Variants in XNDC1N observed in about 807,000 individuals in gnomAD.
XNDC1N encodes the protein XRCC1 N-terminal domain containing 1, N-terminal like.
the XNDC1N span, among the ~76,000 whole-genome samples, chr11:71,905,622 A>G: frequency 6.6e-6 from 1 of 152,004 alleles, no homozygotes. Context: ...CTAGGATATA[A>G]GCTATCACAT....
chr11:71,882,589 G>C, the XNDC1N span, among the ~76,000 whole-genome samples: 3 of 152,178 alleles, frequency 2.0e-5, no homozygotes, highest in Non-Finnish European at 4.4e-5. Flanking sequence ...AATAGAGTTT[G>C]TCACCAGTAG....
At chr11:71,886,382 C>T in the XNDC1N span, among the ~76,000 whole-genome samples, 5 of 152,032 alleles carry the variant, frequency 3.3e-5, no homozygotes, top group African/African-American at 1.2e-4. Context: ...ATTATCAAAA[C>T]CCCCAAGAGT....
the XNDC1N span, among the ~76,000 whole-genome samples, chr11:71,898,877 C>T: frequency 0.026 from 3,882 of 151,942 alleles, 159 homozygotes; most frequent in African/African-American, 0.089. Context: ...TTTATACTGG[C>T]CATTCTATAT....
At chr11:71,920,015 T>C in the XNDC1N span, among the ~76,000 whole-genome samples, 5 of 124,816 alleles carry the variant, frequency 4.0e-5, no homozygotes, top group African/African-American at 1.5e-4. Context: ...TGGAGTGCAG[T>C]GGTGCAATCT....
At chr11:71,893,883 T>G in the XNDC1N span, 1 of 951,466 alleles carries the variant, frequency 1.1e-6, no homozygotes, top group East Asian at 6.0e-5. Flanking sequence ...TCGTGAATCC[T>G]CACCTCTGTG....
the XNDC1N span, among the ~76,000 whole-genome samples, chr11:71,866,889 C>T: frequency 6.6e-6 from 1 of 151,856 alleles, no homozygotes; most frequent in Non-Finnish European, 1.5e-5. Flanking sequence ...TTGATATGAT[C>T]GAGACAATAG....
chr11:71,910,510 G>A, the XNDC1N span, among the ~76,000 whole-genome samples: 1 of 152,176 alleles, frequency 6.6e-6, no homozygotes, highest in African/African-American at 2.4e-5. Context: ...TTTCCCAGGA[G>A]AGACCTAGGC....
the XNDC1N span, among the ~76,000 whole-genome samples, chr11:71,869,274 TC>T: frequency 6.6e-6 from 1 of 152,050 alleles, no homozygotes; most frequent in Admixed American, 6.5e-5. Context: ...ATTGTTCAAT[TC>T]CCACCTATGA....
At chr11:71,867,610 T>C in the XNDC1N span, among the ~76,000 whole-genome samples, 1 of 152,262 alleles carries the variant, frequency 6.6e-6, no homozygotes, top group Non-Finnish European at 1.5e-5. Context: ...TTAGTGATTT[T>C]CCTAATATTT....
the XNDC1N span, chr11:71,916,207 C>T: frequency 1.0e-5 from 7 of 702,622 alleles, no homozygotes; most frequent in Middle Eastern, 2.3e-4. Context: ...GCAGGTCAGG[C>T]GAAGTCGATC....
the XNDC1N span, among the ~76,000 whole-genome samples, chr11:71,923,649 G>A: frequency 4.6e-5 from 7 of 150,694 alleles, no homozygotes; most frequent in South Asian, 2.1e-4. Context: ...TCCTCCTCCC[G>A]GGTTCACGCC....
chr11:71,866,647 C>T, the XNDC1N span, among the ~76,000 whole-genome samples: 756 of 151,994 alleles, frequency 5.0e-3, 5 homozygotes, highest in African/African-American at 0.017. Context: ...GCCTGTAATC[C>T]CAGCTACTCA....
chr11:71,909,940 T>A, the XNDC1N span, among the ~76,000 whole-genome samples: 1 of 152,144 alleles, frequency 6.6e-6, no homozygotes. Context: ...GAGACTTTTC[T>A]TAACTGAGCC....
the XNDC1N span, among the ~76,000 whole-genome samples, chr11:71,908,542 C>A: frequency 6.6e-6 from 1 of 152,074 alleles, no homozygotes; most frequent in Non-Finnish European, 1.5e-5. Flanking sequence ...ACAAATGCCC[C>A]TGAGAGAGCA....
chr11:71,914,179 T>C, the XNDC1N span, among the ~76,000 whole-genome samples: 4 of 152,248 alleles, frequency 2.6e-5, no homozygotes, highest in South Asian at 8.3e-4. Flanking sequence ...ATATTTGCCA[T>C]ATAGATAGCG....
At chr11:71,927,689 G>GA in the XNDC1N span, 2 of 152,064 alleles carry the variant, frequency 1.3e-5, no homozygotes, top group African/African-American at 2.4e-5. Context: ...CTTGAGAGTA[G>GA]AAAAAACAGG....
chr11:71,894,715 C>T, the XNDC1N span, among the ~76,000 whole-genome samples: 1 of 152,214 alleles, frequency 6.6e-6, no homozygotes, highest in Non-Finnish European at 1.5e-5. Flanking sequence ...GAAGTCCTCA[C>T]TTCGTTTTGG....
At chr11:71,914,314 G>A in the XNDC1N span, 1 of 456,170 alleles carries the variant, frequency 2.2e-6, no homozygotes, top group East Asian at 6.9e-5. Context: ...ATGTGAATTT[G>A]GAAGAAGTTG....
the XNDC1N span, chr11:71,893,887 C>T: frequency 2.1e-5 from 20 of 951,204 alleles, no homozygotes; most frequent in Non-Finnish European, 2.8e-5. Flanking sequence ...GAATCCTCAC[C>T]TCTGTGTCTT....
Sources: allele counts gnomAD v4.1 joint callset (sites outside exome capture counted in the v4.1 genomes callset), GRCh38; gene constraint gnomAD v4.1.1; transcripts MANE v1.5; gene names NCBI Gene and HGNC (gene_info 2026-07-23, HGNC 2026-07-21).